The following VAMP7 variants were observed in gnomAD, a reference collection of about 807,000 sequenced individuals.
VAMP7 encodes vesicle associated membrane protein 7, also known as vesicle-associated membrane protein 7.
In VAMP7, 14 loss-of-function variants were observed where a neutral mutation model predicts 29.6. The observed-to-expected ratio is 0.47, with a 90% CI of 0.31 to 0.74. The LOEUF (loss-of-function observed/expected upper bound fraction) is 0.74, where lower values mean the gene tolerates loss of function less well. VAMP7 is among the 30% of genes least tolerant of loss of function. The probability of loss-of-function intolerance (pLI) is 0.05; values close to 1 mark genes in which losing one functional copy is unlikely to be tolerated. For synonymous variants in VAMP7, 95 were observed against 88.1 expected (o/e 1.08, Z -0.44); for missense variants, 223 against 262.4 (o/e 0.85, Z 1.04).
At chrX:155,925,842 T>C (rs1349122773) in intron 6 of VAMP7, among the ~76,000 whole-genome samples, 3 of 152,170 alleles carry the variant, frequency 2.0e-5, no homozygotes, top group African/African-American at 7.2e-5. Context: ...ACTTTTCCCT[T>C]TAGCTTAGTG....
chrX:155,881,834 G>A (rs73638054), intron 1 of VAMP7, among the ~76,000 whole-genome samples: 42 of 152,074 alleles, frequency 2.8e-4, no homozygotes, highest in African/African-American at 9.9e-4. Context: ...TCTACTTCTG[G>A]CTGTTTATGC....
At chrX:155,912,493 A>G in intron 5 of VAMP7, among the ~76,000 whole-genome samples, 1 of 152,090 alleles carries the variant, frequency 6.6e-6, no homozygotes, top group Non-Finnish European at 1.5e-5. Flanking sequence ...TATTTCTCCT[A>G]ATGCTATTTC....
chrX:155,938,971 G>A (rs986889966), intron 6 of VAMP7, among the ~76,000 whole-genome samples: 5 of 152,184 alleles, frequency 3.3e-5, no homozygotes, highest in African/African-American at 9.7e-5. Context: ...TGACTCTCCT[G>A]TAATTTATGC....
At chrX:155,916,115 T>G (rs1241529119) in intron 5 of VAMP7, among the ~76,000 whole-genome samples, 1 of 152,190 alleles carries the variant, frequency 6.6e-6, no homozygotes, top group Non-Finnish European at 1.5e-5. Context: ...TGTAATGCCC[T>G]TTTTTGTCTT....
At chrX:155,916,182 G>A (rs1288242618) in intron 5 of VAMP7, among the ~76,000 whole-genome samples, 1 of 152,130 alleles carries the variant, frequency 6.6e-6, no homozygotes, top group Non-Finnish European at 1.5e-5. Context: ...TGCAGCCACT[G>A]CTTTTTTTTG....
chrX:155,898,243 A>G lies in VAMP7; in HGVS notation c.336A>G (p.Ala112=). The G allele has an allele frequency of 6.2e-7, 1 of 1,613,202 alleles. No individual in the cohort carries two copies. The highest frequency in any genetic ancestry group is 1.3e-5 in the African/African-American group (1 of 75,018). ...MNSEFSSVLA[A]QLKHHSENKG... ...GCGAGTTCTCAAGTGTCTTAGCTGC[A>G]CAGCTGGTAAGATCTTTCTCAGGAT... Residue 112 remains alanine (A), a synonymous_variant, in exon 4 of 8, where the codon GCA becomes GCG. Transcript: ENST00000286448.
At chrX:155,918,530 G>A (rs1424598965) in intron 5 of VAMP7, among the ~76,000 whole-genome samples, 4 of 152,106 alleles carry the variant, frequency 2.6e-5, no homozygotes, top group East Asian at 1.9e-4. Context: ...CTCACGGCAC[G>A]GTCCCTCAAG....
chrX:155,931,520 T>A (rs1258852794), intron 6 of VAMP7, among the ~76,000 whole-genome samples: 2 of 152,228 alleles, frequency 1.3e-5, no homozygotes, highest in African/African-American at 4.8e-5. Flanking sequence ...TTTTGAGAAG[T>A]GTCTGTTCAT....
At chrX:155,909,852 G>C (rs143107767) in intron 5 of VAMP7, among the ~76,000 whole-genome samples, 1 of 151,920 alleles carries the variant, frequency 6.6e-6, no homozygotes, top group Non-Finnish European at 1.5e-5. Flanking sequence ...TATGGGGTAC[G>C]TGTGATATTT....
chrX:155,933,645 C>A (rs1358040720), intron 6 of VAMP7, among the ~76,000 whole-genome samples: 1 of 152,020 alleles, frequency 6.6e-6, no homozygotes, highest in African/African-American at 2.4e-5. Context: ...TTGATCTTTT[C>A]AAAAAACCAG....
At chrX:155,920,815 A>C (rs1425053342) in intron 6 of VAMP7, among the ~76,000 whole-genome samples, 1 of 152,176 alleles carries the variant, frequency 6.6e-6, no homozygotes, top group Non-Finnish European at 1.5e-5. Context: ...GAGCTATTTA[A>C]ATGTTCATCA....
At chrX:155,929,777 G>A (rs2066521324) in intron 6 of VAMP7, among the ~76,000 whole-genome samples, 1 of 152,084 alleles carries the variant, frequency 6.6e-6, no homozygotes, top group South Asian at 2.1e-4. Context: ...CAGAGCAACA[G>A]GATCTCAGTC....
At chrX:155,926,906 T>A (rs948875384) in intron 6 of VAMP7, among the ~76,000 whole-genome samples, 2 of 152,112 alleles carry the variant, frequency 1.3e-5, no homozygotes, top group African/African-American at 4.8e-5. Flanking sequence ...GGGAGAGAGA[T>A]AAGAGAATAG....
At chrX:155,897,430 G>GA (rs1213506877) in intron 3 of VAMP7, among the ~76,000 whole-genome samples, 1 of 152,084 alleles carries the variant, frequency 6.6e-6, no homozygotes, top group Non-Finnish European at 1.5e-5. Flanking sequence ...AGCTATATGT[G>GA]AAATGACTGA....
intron 1 of VAMP7, among the ~76,000 whole-genome samples, chrX:155,885,505 C>T (rs916428598): frequency 6.6e-6 from 1 of 152,160 alleles, no homozygotes; most frequent in African/African-American, 2.4e-5. Context: ...TTGTGTCCTC[C>T]AGAAAGCTGT....
chrX:155,939,794 G>T lies in VAMP7; in HGVS notation c.594+1G>T. 1.2e-6 allele frequency: 2 copies of T among 1,610,572 alleles called. No homozygotes were observed. Among genetic ancestry groups the T allele is most frequent in the Non-Finnish European group, 1.7e-6 (2 of 1,176,934 alleles). ...TATTATCATCATCATCGTATCAATTGTAAGTTTTTGTCCTTTTAGTGTATG... is the reference window on the plus strand; with the variant it reads ...TATTATCATCATCATCGTATCAATTTTAAGTTTTTGTCCTTTTAGTGTATG... On this transcript the variant is annotated splice_donor_variant, in intron 7 of 7. Coordinates refer to ENST00000286448, the MANE Select transcript of VAMP7 (RefSeq NM_005638.6). LOFTEE classifies it high-confidence loss of function.
At chrX:155,927,804 A>G (rs1489464975) in intron 6 of VAMP7, among the ~76,000 whole-genome samples, 1 of 148,136 alleles carries the variant, frequency 6.8e-6, no homozygotes, top group Non-Finnish European at 1.5e-5. Flanking sequence ...TAAAAATGCC[A>G]TTCCATTTTT....
chrX:155,929,587 T>A (rs1260868485), intron 6 of VAMP7, among the ~76,000 whole-genome samples: 1 of 152,058 alleles, frequency 6.6e-6, no homozygotes, highest in Non-Finnish European at 1.5e-5. Flanking sequence ...TTGATCAAAA[T>A]TTTTCTCTTC....
At chrX:155,896,799 A>G (rs1248962309) in intron 3 of VAMP7, among the ~76,000 whole-genome samples, 1 of 152,178 alleles carries the variant, frequency 6.6e-6, no homozygotes, top group Non-Finnish European at 1.5e-5. Flanking sequence ...CATGGTTGCC[A>G]TAGATCAGGG....
Sources: gnomAD v4.1 joint callset for allele counts (sites outside exome capture counted in the v4.1 genomes callset) on GRCh38, gnomAD v4.1.1 for gene constraint, MANE v1.5 for transcripts, NCBI Gene and HGNC (gene_info 2026-07-23, HGNC 2026-07-21) for gene names.